The following ARHGAP23 variants were observed in gnomAD, a reference collection of about 807,000 sequenced individuals.
ARHGAP23 encodes Rho GTPase activating protein 23.
A neutral mutation model predicts 136.3 loss-of-function variants in ARHGAP23; 34 were observed. The observed-to-expected ratio is 0.25, with a 90% CI of 0.19 to 0.33. The LOEUF is 0.33. Among genes scored for constraint, ARHGAP23 ranks in the 10% least tolerant of loss-of-function variants. The probability of loss-of-function intolerance (pLI) is 1.00; values close to 1 mark genes in which losing one functional copy is unlikely to be tolerated. For synonymous variants in ARHGAP23, 832 were observed against 920.5 expected (o/e 0.90, Z 1.74); for missense variants, 1,808 against 2,139.0 (o/e 0.85, Z 3.05).
chr17:38,457,941 A>AG, intron 1 of ARHGAP23, 161 bp from the exon 2 acceptor site: 1 of 732,174 alleles, frequency 1.4e-6, no homozygotes, highest in Non-Finnish European at 2.2e-6. Flanking sequence ...AGAGTAAGGA[A>AG]GGGGTGAGGA....
At chr17:38,476,675 G>A (rs548530028) in intron 11 of ARHGAP23, among the ~76,000 whole-genome samples, 1 of 152,202 alleles carries the variant, frequency 6.6e-6, no homozygotes, top group Admixed American at 6.5e-5. Context: ...GGAGAGGAGA[G>A]GAGAGTCAGG....
chr17:38,428,662 G>GCGCGGGCAC (rs1006546063), intron 1 of ARHGAP23, 114 bp downstream of exon 1: 4 of 693,930 alleles, frequency 5.8e-6, no homozygotes, highest in South Asian at 9.7e-5. Context: ...CGCACGGTGG[G>GCGCGGGCAC]CGCGGGCACC....
intron 1 of ARHGAP23, among the ~76,000 whole-genome samples, chr17:38,439,158 C>A (rs1307709073): frequency 6.7e-6 from 1 of 150,114 alleles, no homozygotes; most frequent in Non-Finnish European, 1.5e-5. Flanking sequence ...GCCTGGGTGA[C>A]AAGAGTGAGA....
chr17:38,499,675 C>T (rs1427169399), intron 22 of ARHGAP23, among the ~76,000 whole-genome samples: 3 of 152,186 alleles, frequency 2.0e-5, no homozygotes, highest in African/African-American at 4.8e-5. Flanking sequence ...CCGCCCCCCG[C>T]GCCCTGTGTG....
intron 6 of ARHGAP23, 57 bp from the exon 7 acceptor site, chr17:38,466,110 C>T: frequency 7.2e-7 from 1 of 1,392,140 alleles, no homozygotes; most frequent in East Asian, 2.7e-5. Flanking sequence ...GGCTGCCGTT[C>T]CCCTACCCTG....
intron 20 of ARHGAP23, among the ~76,000 whole-genome samples, chr17:38,493,679 C>T (rs1330595976): frequency 2.6e-5 from 4 of 152,222 alleles, no homozygotes; most frequent in Non-Finnish European, 1.5e-5. Flanking sequence ...CCTGGAGGCT[C>T]CATAGCCAGG....
rs1193128822 is a variant in ARHGAP23, at chr17:38,477,296, C to T, written c.2119-283C>T. Among the ~76,000 whole-genome samples the T allele has an allele frequency of 4.0e-5, 6 of 150,590 alleles. No individual in the cohort carries two copies. The South Asian group carries it at 8.4e-4, about 21-fold the overall frequency. On this transcript the variant is annotated intron_variant, in intron 11 of 23. Coordinates refer to ENST00000622683, the MANE Select transcript of ARHGAP23 (RefSeq NM_001199417.2). The surrounding 1 kb of genome is among the most constrained non-coding windows in gnomAD (Gnocchi z 6.6). ...ATGCTGGGTGTCTGAGCATTGCCAC[C>T]GCTCGGTGAGTGTTGATGCTGGTGT...
intron 23 of ARHGAP23, among the ~76,000 whole-genome samples, chr17:38,507,990 C>T (rs979466498): frequency 1.3e-5 from 2 of 152,242 alleles, no homozygotes; most frequent in Non-Finnish European, 2.9e-5. Flanking sequence ...AGACAGGAAC[C>T]AGTCCCAGCG....
At chr17:38,488,540 G>T (rs939834599) in intron 17 of ARHGAP23, among the ~76,000 whole-genome samples, 18 of 152,106 alleles carry the variant, frequency 1.2e-4, no homozygotes, top group Middle Eastern at 3.2e-3. Flanking sequence ...CAAATTTTTT[G>T]TTGTTGTTGT....
At chr17:38,451,715 G>A (rs1349557025) in intron 1 of ARHGAP23, 1 of 152,336 alleles carries the variant, frequency 6.6e-6, no homozygotes, top group African/African-American at 2.4e-5. Context: ...CATGGCTGGG[G>A]ACATCTTGAT....
chr17:38,470,428 C>G (rs1056390769), intron 10 of ARHGAP23, among the ~76,000 whole-genome samples: 1 of 152,126 alleles, frequency 6.6e-6, no homozygotes, highest in Non-Finnish European at 1.5e-5. Flanking sequence ...GGGATGGGGT[C>G]GGGGTGGACA....
chr17:38,449,755 A>G (rs778298145), intron 1 of ARHGAP23, among the ~76,000 whole-genome samples: 1 of 152,134 alleles, frequency 6.6e-6, no homozygotes, highest in Non-Finnish European at 1.5e-5. Context: ...TGGAGCTTCA[A>G]ACATGCTGGA....
intron 11 of ARHGAP23, among the ~76,000 whole-genome samples, chr17:38,473,732 G>A (rs1355877137): frequency 7.2e-5 from 11 of 152,118 alleles, no homozygotes; most frequent in South Asian, 2.1e-4. Flanking sequence ...ACACGAAAGG[G>A]TGAGAAGCCA....
At chr17:38,495,397 T>C (rs2040370788) in intron 20 of ARHGAP23, among the ~76,000 whole-genome samples, 1 of 152,172 alleles carries the variant, frequency 6.6e-6, no homozygotes, top group Middle Eastern at 3.4e-3. Flanking sequence ...CATGCCGGGC[T>C]AATTTTTGTA....
Position 38,477,667 on chromosome 17 carries a change from C to T in ARHGAP23, c.2207C>T (p.Pro736Leu), listed in dbSNP as rs1423661040. Residue 736 changes from proline (P) to leucine (L), a missense_variant, in exon 12 of 24, where the codon CCC becomes CTC. Transcript: ENST00000622683. The surrounding 1 kb of genome is among the most constrained non-coding windows in gnomAD (Gnocchi z 6.6). ...SLSLSKERREPGPAAAGAAAA... is the reference protein window; with the variant it reads ...SLSLSKERRELGPAAAGAAAA... ...TCGCTGAGCAAGGAGCGGCGGGAGCCCGGGCCGGCGGCGGCGGGGGCTGCG... is the reference window on the plus strand; with the variant it reads ...TCGCTGAGCAAGGAGCGGCGGGAGCTCGGGCCGGCGGCGGCGGGGGCTGCG... 3 of 1,287,098 alleles carry T rather than the reference C, an allele frequency of 2.3e-6. No homozygotes were observed. Among genetic ancestry groups the T allele is most frequent in the Non-Finnish European group, 2.0e-6 (2 of 1,015,584 alleles). The allele number at this position is 1,287,098 out of a possible 1,614,324, so 79.7% of individuals were successfully genotyped here.
intron 23 of ARHGAP23, among the ~76,000 whole-genome samples, chr17:38,508,112 C>T (rs1435208922): frequency 6.6e-6 from 1 of 152,226 alleles, no homozygotes; most frequent in African/African-American, 2.4e-5. Context: ...CAAGTCACAG[C>T]CTTTGCTCTT....
At chr17:38,458,647 G>T (rs1046542795) in intron 2 of ARHGAP23, among the ~76,000 whole-genome samples, 4 of 152,138 alleles carry the variant, frequency 2.6e-5, no homozygotes, top group Non-Finnish European at 5.9e-5. Context: ...CTGATCTACC[G>T]GCTGCTTCTG....
chr17:38,467,374 C>T (rs938100301), intron 7 of ARHGAP23, 43 bp downstream of exon 7: 39 of 1,446,744 alleles, frequency 2.7e-5, no homozygotes, highest in Admixed American at 1.7e-4. Flanking sequence ...ACTTAGCTGT[C>T]GGCTGTCTGT....
intron 23 of ARHGAP23, among the ~76,000 whole-genome samples, chr17:38,502,047 G>A (rs1180245094): frequency 6.6e-6 from 1 of 152,114 alleles, no homozygotes; most frequent in African/African-American, 2.4e-5. Flanking sequence ...CATGGCTCAC[G>A]CCTGTAATCC....
Sources: gnomAD v4.1 joint callset for allele counts (sites outside exome capture counted in the v4.1 genomes callset) on GRCh38, gnomAD v4.1.1 for gene constraint, Gnocchi (gnomAD v3.1) non-coding constraint, MANE v1.5 for transcripts, NCBI Gene and HGNC (gene_info 2026-07-23, HGNC 2026-07-21) for gene names.